GRIK1: variants seen among roughly 807,000 people sequenced by gnomAD.
GRIK1 encodes the protein glutamate receptor ionotropic, kainate 1.
Under a neutral mutation model 105.7 loss-of-function variants are expected in GRIK1, and 69 were observed. The ratio of observed to expected loss-of-function variants is 0.65; its 90% CI spans 0.54 to 0.80. The LOEUF (loss-of-function observed/expected upper bound fraction) is 0.80. Ranked by LOEUF, GRIK1 falls within the 30% of genes least tolerant of loss-of-function variation. The pLI, the probability that GRIK1 is intolerant of heterozygous loss-of-function variation, is 0.00. For synonymous variants in GRIK1, 438 were observed against 431.3 expected, an observed-to-expected ratio of 1.02 and a Z score of -0.19; for missense variants, 1,109 against 1,167.3, an observed-to-expected ratio of 0.95 and a Z score of 0.73.
chr21:29,869,230 T>C lies in GRIK1; in HGVS notation c.118+70153A>G, dbSNP rs1042998447. On this transcript the variant is annotated intron_variant, in intron 1 of 17. Coordinates refer to ENST00000327783, the MANE Select transcript of GRIK1 (RefSeq NM_001330994.2). Reference sequence around the variant, plus strand: ...TTTTACTGGTCTTTATTTTTCTTTATATCCATTTTTATGGAGCATATATTT... The same window carrying C: ...TTTTACTGGTCTTTATTTTTCTTTACATCCATTTTTATGGAGCATATATTT... 4.6e-5 allele frequency among the ~76,000 whole-genome samples: 7 copies of C among 152,326 alleles called. No homozygotes were observed. The East Asian group carries it at 1.3e-3, about 29-fold the overall frequency.
chr21:29,812,117 C>T lies in GRIK1; in HGVS notation c.119-118054G>A, dbSNP rs550649909. The stretch of plus-strand genomic sequence containing the variant: ...GTGTCTGTGTGTGAATATATATGTA[C>T]GTGTGTATAATTTCAATTAATCTTT... On this transcript the variant is annotated intron_variant, in intron 1 of 17. Coordinates refer to ENST00000327783, the MANE Select transcript of GRIK1 (RefSeq NM_001330994.2). Among the ~76,000 whole-genome samples, 133 of 152,132 alleles carry T rather than the reference C, an allele frequency of 8.7e-4. 1 individual carries two copies. The highest frequency in any genetic ancestry group is 1.6e-3 in the Non-Finnish European group (112 of 67,982).
chr21:29,896,322 A>G (rs2070157748), intron 1 of GRIK1, among the ~76,000 whole-genome samples: 2 of 152,190 alleles, frequency 1.3e-5, no homozygotes, highest in African/African-American at 4.8e-5. Flanking sequence ...GTAAAATTTC[A>G]GTATCACACT....
At chr21:29,675,832 C>T (rs1484485687) in intron 3 of GRIK1, among the ~76,000 whole-genome samples, 1 of 152,168 alleles carries the variant, frequency 6.6e-6, no homozygotes, top group African/African-American at 2.4e-5. Flanking sequence ...GGGATTAAGG[C>T]CAAATCCACC....
intron 1 of GRIK1, among the ~76,000 whole-genome samples, chr21:29,908,159 G>T (rs905281608): frequency 1.3e-5 from 2 of 151,608 alleles, no homozygotes; most frequent in Non-Finnish European, 2.9e-5. Flanking sequence ...TTCTATAGCC[G>T]AAAAAAAGAG....
intron 7 of GRIK1, among the ~76,000 whole-genome samples, chr21:29,626,869 G>A (rs1052824954): frequency 9.2e-5 from 14 of 152,142 alleles, no homozygotes; most frequent in Non-Finnish European, 1.5e-4. Context: ...TGAAGAATGG[G>A]TTCCATTAGC....
chr21:29,868,418 C>T (rs1304170140), intron 1 of GRIK1, among the ~76,000 whole-genome samples: 1 of 152,124 alleles, frequency 6.6e-6, no homozygotes, highest in African/African-American at 2.4e-5. Context: ...GAGTAGAATC[C>T]TGTTAGAAGC....
intron 4 of GRIK1, among the ~76,000 whole-genome samples, chr21:29,669,611 T>C (rs1359209070): frequency 6.6e-6 from 1 of 152,176 alleles, no homozygotes; most frequent in African/African-American, 2.4e-5. Context: ...GCTCAGAGAA[T>C]GACCTTATAT....
chr21:29,631,679 A>C (rs182675244), intron 7 of GRIK1, among the ~76,000 whole-genome samples: 3 of 152,242 alleles, frequency 2.0e-5, no homozygotes, highest in Non-Finnish European at 4.4e-5. Context: ...GACACAGTGG[A>C]TTAAAAAGAC....
chr21:29,770,382 C>T (rs754911110), intron 1 of GRIK1, among the ~76,000 whole-genome samples: 8 of 152,174 alleles, frequency 5.3e-5, no homozygotes, highest in Admixed American at 3.9e-4. Flanking sequence ...CTAACATCAG[C>T]GTAACAAAGT....
At chr21:29,553,608 A>G (rs769929583) in intron 16 of GRIK1, 1 of 1,609,304 alleles carries the variant, frequency 6.2e-7, no homozygotes, top group Non-Finnish European at 8.5e-7. Context: ...TCTCGAATTA[A>G]TTTACCACAT....
chr21:29,786,058 G>A lies in GRIK1; in HGVS notation c.119-91995C>T, dbSNP rs140554666. 1.4e-3 allele frequency among the ~76,000 whole-genome samples: 214 copies of A among 152,314 alleles called. 1 individual carries two copies. Among genetic ancestry groups the A allele is most frequent in the African/African-American group, 4.9e-3 (204 of 41,570 alleles). On this transcript the variant is annotated intron_variant, in intron 1 of 17. Coordinates refer to ENST00000327783, the MANE Select transcript of GRIK1 (RefSeq NM_001330994.2). ...AGGCTGGAGTGCAGTGGCGATCTCC[G>A]CTCACTGCAACCTCTGACTCTCTGG...
intron 14 of GRIK1, among the ~76,000 whole-genome samples, chr21:29,576,744 G>A (rs1374383427): frequency 6.6e-6 from 1 of 152,022 alleles, no homozygotes; most frequent in Non-Finnish European, 1.5e-5. Flanking sequence ...TTGGGGTGGA[G>A]TAAATGACAC....
Position 29,587,383 on chromosome 21 carries a change from TAC to T in GRIK1, c.1774_1775del (p.Val592ThrfsTer14). 6.2e-7 allele frequency: 1 copy of T among 1,608,234 alleles called. No homozygotes were observed. Among genetic ancestry groups the T allele is most frequent in the Non-Finnish European group, 8.5e-7 (1 of 1,174,850 alleles). ...VLLACLGVSCVLFVIARFTPY... is the reference protein window; with the variant it reads ...VLLACLGVSCXLFVIARFTPY... ...AAACTTACCTTGCAATCACAAAGAGTACACAGCTGACTCCCAAGCAGGCTAAG... is the reference window on the plus strand; with the variant it reads ...AAACTTACCTTGCAATCACAAAGAGTACAGCTGACTCCCAAGCAGGCTAAG... On this transcript the variant is annotated frameshift_variant, in exon 12 of 18. Transcript: ENST00000327783. LOFTEE classifies it high-confidence loss of function.
At chr21:29,651,801 A>G (rs547163552) in intron 5 of GRIK1, among the ~76,000 whole-genome samples, 3 of 152,028 alleles carry the variant, frequency 2.0e-5, no homozygotes, top group East Asian at 3.9e-4. Context: ...ACCATACTAG[A>G]TTTCAGGCAT....
At chr21:29,552,406 G>A (rs1276622274) in intron 16 of GRIK1, among the ~76,000 whole-genome samples, 1 of 152,086 alleles carries the variant, frequency 6.6e-6, no homozygotes, top group Admixed American at 6.6e-5. Context: ...GGTTGAGTTA[G>A]CATGGAAATT....
Position 29,893,425 on chromosome 21 carries a change from T to A in GRIK1, c.118+45958A>T, listed in dbSNP as rs1228694441. The stretch of plus-strand genomic sequence containing the variant: ...ACAATCTGGAGCCAGACTGCTTGGG[T>A]TTAATACCCAACTCTACTACTCACA... On this transcript the variant is annotated intron_variant, in intron 1 of 17. Coordinates refer to ENST00000327783, the MANE Select transcript of GRIK1 (RefSeq NM_001330994.2). Among the ~76,000 whole-genome samples the A allele has an allele frequency of 2.0e-5, 3 of 152,304 alleles. No homozygotes were observed. The East Asian group carries it at 5.8e-4, about 29-fold the overall frequency.
At chr21:29,768,999 C>A (rs559665002) in intron 1 of GRIK1, among the ~76,000 whole-genome samples, 55 of 152,116 alleles carry the variant, frequency 3.6e-4, no homozygotes, top group African/African-American at 1.2e-3. Flanking sequence ...ATAGAGGTAA[C>A]AATCAATCAA....
intron 1 of GRIK1, among the ~76,000 whole-genome samples, chr21:29,790,235 G>A (rs1417941342): frequency 6.6e-6 from 1 of 152,068 alleles, no homozygotes; most frequent in African/African-American, 2.4e-5. Flanking sequence ...TTTTGGTAGA[G>A]ACGGGGTTTC....
intron 7 of GRIK1, among the ~76,000 whole-genome samples, chr21:29,637,360 C>T (rs925100773): frequency 1.3e-5 from 2 of 152,210 alleles, no homozygotes; most frequent in African/African-American, 2.4e-5. Context: ...CTGGACACAG[C>T]GTAATTCTTG....
Sources: allele counts gnomAD v4.1 joint callset (sites outside exome capture counted in the v4.1 genomes callset), GRCh38; gene constraint gnomAD v4.1.1; transcripts MANE v1.5; gene names NCBI Gene and HGNC (gene_info 2026-07-23, HGNC 2026-07-21).